Variants in GSE1 observed in about 807,000 individuals in gnomAD.
The protein encoded by GSE1 is Gse1 coiled-coil protein, also known as genetic suppressor element 1.
A neutral mutation model predicts 112.6 loss-of-function variants in GSE1; 32 were observed. The ratio of observed to expected loss-of-function variants is 0.28; its 90% CI spans 0.21 to 0.38. The LOEUF (loss-of-function observed/expected upper bound fraction) is 0.38, where lower values mean the gene tolerates loss of function less well. Among genes scored for constraint, GSE1 ranks in the 10% least tolerant of loss-of-function variants. The pLI, the probability that GSE1 is intolerant of heterozygous loss-of-function variation, is 1.00. For missense variants in GSE1, 2,348 were observed against 1,699.2 expected (o/e 1.38, Z -6.71); for synonymous variants, 1,115 against 735.6 (o/e 1.52, Z -8.35).
chr16:85,271,221 C>T (rs963101176), intron 1 of GSE1, among the ~76,000 whole-genome samples: 1 of 152,036 alleles, frequency 6.6e-6, no homozygotes, highest in African/African-American at 2.4e-5. Context: ...ACGGTGGGTC[C>T]CAGAGCCCCC....
At chr16:85,653,538 C>G (rs1461463757) in intron 3 of GSE1, among the ~76,000 whole-genome samples, 1 of 151,440 alleles carries the variant, frequency 6.6e-6, no homozygotes, top group Admixed American at 6.6e-5. Flanking sequence ...TCTGAGTCCT[C>G]TGGACCACCT....
Position 85,377,013 on chromosome 16 carries a change from CT to C in GSE1, c.2464+19371del, listed in dbSNP as rs531979080. Among the ~76,000 whole-genome samples, 39 of 152,368 alleles carry C rather than the reference CT, an allele frequency of 2.6e-4. No individual in the cohort carries two copies. In the South Asian group the frequency reaches 8.1e-3, roughly 32 times the overall value. On this transcript the variant is annotated intron_variant, in intron 2 of 2. Coordinates refer to the GSE1 transcript ENST00000637419. ...GTTGCCCAGTGTGAGTGACCCAGGC[CT>C]GCCTCCCACCTTCACCGACCACGTG...
intron 1 of GSE1, among the ~76,000 whole-genome samples, chr16:85,273,647 G>A (rs983361822): frequency 6.6e-6 from 1 of 152,130 alleles, no homozygotes; most frequent in Non-Finnish European, 1.5e-5. Flanking sequence ...CCAGGGGCTG[G>A]GAGGAGGAAG....
intron 1 of GSE1, among the ~76,000 whole-genome samples, chr16:85,261,512 C>G (rs1200905313): frequency 6.6e-6 from 1 of 152,242 alleles, no homozygotes; most frequent in African/African-American, 2.4e-5. Context: ...GGCAGTCCAG[C>G]TGGTTCTGAC....
At chr16:85,383,294 G>A (rs2047601317) in intron 2 of GSE1, among the ~76,000 whole-genome samples, 1 of 150,924 alleles carries the variant, frequency 6.6e-6, no homozygotes, top group Non-Finnish European at 1.5e-5. Context: ...ACACATGCAT[G>A]TGCACAAACA....
intron 14 of GSE1, among the ~76,000 whole-genome samples, chr16:85,669,918 TTC>T (rs1305858755): frequency 1.3e-5 from 2 of 152,212 alleles, no homozygotes; most frequent in Non-Finnish European, 2.9e-5. Flanking sequence ...TGACCCCCTC[TTC>T]TCTCAGCTAC....
intron 2 of GSE1, among the ~76,000 whole-genome samples, chr16:85,425,554 C>T (rs966508141): frequency 2.0e-5 from 3 of 152,146 alleles, no homozygotes; most frequent in South Asian, 2.1e-4. Context: ...GGAGCCACAC[C>T]GATGCACGCT....
intron 8 of GSE1, among the ~76,000 whole-genome samples, chr16:85,658,067 C>G (rs779935499): frequency 1.9e-4 from 29 of 152,188 alleles, no homozygotes; most frequent in Non-Finnish European, 4.1e-4. Flanking sequence ...ATAGTAAAAA[C>G]ACATGCCCGT....
At chr16:85,444,157 G>A (rs1050575134) in intron 2 of GSE1, among the ~76,000 whole-genome samples, 3 of 152,022 alleles carry the variant, frequency 2.0e-5, no homozygotes, top group African/African-American at 7.2e-5. Flanking sequence ...GCTAATTTTT[G>A]TATTTTTTGG....
chr16:85,246,239 G>T (rs186126874), intron 1 of GSE1, among the ~76,000 whole-genome samples: 2 of 45,680 alleles, frequency 4.4e-5, no homozygotes, highest in East Asian at 7.7e-4. Flanking sequence ...ACACACACAC[G>T]CACACCACAC....
chr16:85,184,687 T>C (rs2074663876), intron 1 of GSE1, among the ~76,000 whole-genome samples: 1 of 152,258 alleles, frequency 6.6e-6, no homozygotes, highest in Non-Finnish European at 1.5e-5. Flanking sequence ...TATTTTTCAA[T>C]TTCCCTTGTG....
intron 1 of GSE1, among the ~76,000 whole-genome samples, chr16:85,587,169 C>CG (rs1491426466): frequency 9.1e-6 from 1 of 109,702 alleles, no homozygotes; most frequent in Non-Finnish European, 1.8e-5. Flanking sequence ...GAGGACGAAA[C>CG]CCCCCCCCCC....
intron 1 of GSE1, among the ~76,000 whole-genome samples, chr16:85,331,543 G>GTGTGTATA (rs1555563813): frequency 2.4e-5 from 3 of 126,276 alleles, no homozygotes; most frequent in African/African-American, 8.5e-5. Context: ...ATGTGTATAT[G>GTGTGTATA]TGTGTATATA....
chr16:85,171,536 G>A, exon 1 of GSE1: 1 of 985,568 alleles, frequency 1.0e-6, no homozygotes, highest in Non-Finnish European at 1.2e-6. Context: ...CACGCTGTCA[G>A]CGCCTGGTCC....
At chr16:85,657,697 C>T (rs918535953) in intron 8 of GSE1, 93 bp downstream of exon 8, 2 of 799,838 alleles carry the variant, frequency 2.5e-6, no homozygotes, top group African/African-American at 1.8e-5. Context: ...CAACATCCTG[C>T]CCCAGCGTTT....
At chr16:85,401,959 G>A (rs945451443) in intron 2 of GSE1, among the ~76,000 whole-genome samples, 1 of 152,228 alleles carries the variant, frequency 6.6e-6, no homozygotes, top group African/African-American at 2.4e-5. Context: ...TGAGTCTGCA[G>A]GTGCAGCTCA....
At chr16:85,655,684 C>G in intron 5 of GSE1, 42 bp from the exon 6 acceptor site, 1 of 1,416,682 alleles carries the variant, frequency 7.1e-7, no homozygotes, top group Non-Finnish European at 9.8e-7. Flanking sequence ...GGGTCTTCCC[C>G]TTGGTTCATT....
Position 85,536,317 on chromosome 16 carries a change from C to T in GSE1, c.2465-97597C>T, listed in dbSNP as rs542753067. Among the ~76,000 whole-genome samples the T allele has an allele frequency of 2.4e-3, 363 of 152,322 alleles. 2 individuals are homozygous for T. The highest frequency in any genetic ancestry group is 8.3e-3 in the African/African-American group (344 of 41,580). ...CTGAAAAGGAGAGGCTGAACCTTCT[C>T]TCAGTAAGTAACAGTGGAGTTGGCT... On this transcript the variant is annotated intron_variant, in intron 2 of 2. Transcript: ENST00000637419.
intron 2 of GSE1, among the ~76,000 whole-genome samples, chr16:85,644,063 C>G (rs936298378): frequency 1.3e-5 from 2 of 152,168 alleles, no homozygotes; most frequent in African/African-American, 2.4e-5. Flanking sequence ...CACCGTTACT[C>G]ATGCCTGTAA....
Sources: allele counts gnomAD v4.1 joint callset (sites outside exome capture counted in the v4.1 genomes callset), GRCh38; gene constraint gnomAD v4.1.1; transcripts MANE v1.5; gene names NCBI Gene and HGNC (gene_info 2026-07-23, HGNC 2026-07-21).